PRKCE: variants seen among roughly 807,000 people sequenced by gnomAD.
PRKCE encodes the protein protein kinase C epsilon, also known as protein kinase C epsilon type.
Under a neutral mutation model 85.4 loss-of-function variants are expected in PRKCE, and 16 were observed. The observed-to-expected ratio is 0.19, with a 90% CI of 0.13 to 0.28. The LOEUF (loss-of-function observed/expected upper bound fraction) is 0.28, where lower values mean the gene tolerates loss of function less well. PRKCE is among the 10% of genes least tolerant of loss of function. The pLI, the probability that PRKCE is intolerant of heterozygous loss-of-function variation, is 1.00. For synonymous variants in PRKCE, 388 were observed against 371.5 expected (o/e 1.04, Z -0.51); for missense variants, 573 against 975.2 (o/e 0.59, Z 5.49).
At chr2:46,143,741 G>T (rs911611419) in intron 11 of PRKCE, among the ~76,000 whole-genome samples, 1 of 152,176 alleles carries the variant, frequency 6.6e-6, no homozygotes, top group African/African-American at 2.4e-5. Context: ...GCTCAGCTTG[G>T]TTGGGCTCAC....
At chr2:45,998,121 C>A (rs537742311) in intron 6 of PRKCE, among the ~76,000 whole-genome samples, 1 of 152,212 alleles carries the variant, frequency 6.6e-6, no homozygotes, top group African/African-American at 2.4e-5. Context: ...GTGTATTCTT[C>A]TGTCACCGAA....
At chr2:45,921,857 G>T (rs1271006483) in intron 2 of PRKCE, among the ~76,000 whole-genome samples, 7 of 152,304 alleles carry the variant, frequency 4.6e-5, no homozygotes, top group African/African-American at 1.7e-4. Context: ...AATGAATTAA[G>T]TTGGATGGAT....
chr2:45,894,137 G>T (rs1036716093), intron 2 of PRKCE, among the ~76,000 whole-genome samples: 1 of 152,100 alleles, frequency 6.6e-6, no homozygotes, highest in African/African-American at 2.4e-5. Context: ...GTGTTCAATA[G>T]TGCATGTCTG....
Position 45,794,498 on chromosome 2 carries a change from A to G in PRKCE, c.349-48502A>G, listed in dbSNP as rs141067796. Among the ~76,000 whole-genome samples, 593 of 152,190 alleles carry G rather than the reference A, an allele frequency of 3.9e-3. 1 individual carries two copies. The highest frequency in any genetic ancestry group is 6.6e-3 in the Non-Finnish European group (450 of 68,006). On this transcript the variant is annotated intron_variant, in intron 1 of 14. Transcript: ENST00000306156. Reference sequence around the variant, plus strand: ...TGAAGCAGGGTGCCAATTCGTTCTCATTCCTGCGGTATTCTAGCACGGACC... The same window carrying G: ...TGAAGCAGGGTGCCAATTCGTTCTCGTTCCTGCGGTATTCTAGCACGGACC...
chr2:45,743,790 A>C (rs773024082), intron 1 of PRKCE, among the ~76,000 whole-genome samples: 9 of 152,276 alleles, frequency 5.9e-5, no homozygotes, highest in Non-Finnish European at 1.2e-4. Context: ...AGCAGACTCC[A>C]CAGAGAGCTT....
intron 10 of PRKCE, among the ~76,000 whole-genome samples, chr2:46,079,930 G>A (rs34496377): frequency 0.3 from 45,987 of 152,108 alleles, 7,831 homozygotes; most frequent in African/African-American, 0.44. Flanking sequence ...AAATGGCCAT[G>A]ACACATAATC....
At chr2:45,751,221 C>T (rs1233473497) in intron 1 of PRKCE, among the ~76,000 whole-genome samples, 4 of 152,172 alleles carry the variant, frequency 2.6e-5, no homozygotes, top group Admixed American at 2.6e-4. Context: ...ATGGTGTGTA[C>T]ATCATAGGGT....
chr2:45,671,589 C>T (rs1015297105), intron 1 of PRKCE, among the ~76,000 whole-genome samples: 1 of 152,146 alleles, frequency 6.6e-6, no homozygotes, highest in African/African-American at 2.4e-5. Flanking sequence ...TCTGCCTCCC[C>T]CCACCAGCCT....
At chr2:45,698,355 A>C (rs1678326762) in intron 1 of PRKCE, among the ~76,000 whole-genome samples, 1 of 152,140 alleles carries the variant, frequency 6.6e-6, no homozygotes, top group African/African-American at 2.4e-5. Flanking sequence ...ATAAAACAAA[A>C]ATTTCCAGTT....
At chr2:45,825,662 T>C (rs764232579) in intron 1 of PRKCE, among the ~76,000 whole-genome samples, 1 of 152,070 alleles carries the variant, frequency 6.6e-6, no homozygotes, top group African/African-American at 2.4e-5. Context: ...GAGAGGAGGA[T>C]CGCTTGAAGC....
intron 1 of PRKCE, among the ~76,000 whole-genome samples, chr2:45,691,798 A>C (rs1316687952): frequency 6.6e-6 from 1 of 152,030 alleles, no homozygotes; most frequent in Non-Finnish European, 1.5e-5. Context: ...TGGAGGCGGC[A>C]CTCTTTCCTG....
rs147052078 is a variant in PRKCE, at chr2:45,980,098, A to G, written c.608-198A>G. 4.5e-4 allele frequency among the ~76,000 whole-genome samples: 68 copies of G among 152,370 alleles called. 1 individual carries two copies. In the East Asian group the frequency reaches 0.01, roughly 23 times the overall value. ...TAAATGTTACCTTGCTCTCTGGAGC[A>G]TTTAGGAAACTGATGGCTCTGATAG... is the stretch of plus-strand genomic sequence containing the variant. On this transcript the variant is annotated intron_variant, in intron 4 of 14. Coordinates refer to ENST00000306156, the MANE Select transcript of PRKCE (RefSeq NM_005400.3).
intron 1 of PRKCE, among the ~76,000 whole-genome samples, chr2:45,702,423 G>T (rs971900394): frequency 2.6e-5 from 4 of 152,164 alleles, no homozygotes; most frequent in Non-Finnish European, 5.9e-5. Context: ...TCATAGTGAT[G>T]ATCAGCTGAG....
chr2:45,911,520 C>G (rs1697381109), intron 2 of PRKCE, among the ~76,000 whole-genome samples: 1 of 152,342 alleles, frequency 6.6e-6, no homozygotes, highest in African/African-American at 2.4e-5. Flanking sequence ...CCCCTGAACC[C>G]TAGAGACCAG....
intron 14 of PRKCE, among the ~76,000 whole-genome samples, chr2:46,171,877 A>G (rs998924661): frequency 6.6e-6 from 1 of 152,230 alleles, no homozygotes; most frequent in African/African-American, 2.4e-5. Flanking sequence ...AGACTGAGTC[A>G]TCATTTAGCT....
chr2:46,129,266 G>A (rs1220262643), intron 11 of PRKCE, among the ~76,000 whole-genome samples: 1 of 152,200 alleles, frequency 6.6e-6, no homozygotes, highest in East Asian at 1.9e-4. Context: ...GTGGATGGCA[G>A]AAGCCAAGTC....
At chr2:45,964,878 T>G (rs2595202) in intron 2 of PRKCE, among the ~76,000 whole-genome samples, 30,115 of 152,200 alleles carry the variant, frequency 0.2, 3,708 homozygotes, top group East Asian at 0.42. Flanking sequence ...TTTTTTTTCC[T>G]ATGTAGTGAA....
At chr2:46,060,744 CTTTTTT>C (rs112560158) in intron 10 of PRKCE, among the ~76,000 whole-genome samples, 17 of 140,150 alleles carry the variant, frequency 1.2e-4, no homozygotes, top group South Asian at 2.3e-4. Context: ...TTTCTCTCTC[CTTTTTT>C]TTTTTTTTGT....
chr2:46,038,526 A>G (rs1708016682), intron 10 of PRKCE, among the ~76,000 whole-genome samples: 1 of 152,164 alleles, frequency 6.6e-6, no homozygotes, highest in Admixed American at 6.6e-5. Flanking sequence ...TGGCTTCAGA[A>G]GAGGCTCGAA....
Sources: allele counts gnomAD v4.1 joint callset (sites outside exome capture counted in the v4.1 genomes callset), GRCh38; gene constraint gnomAD v4.1.1; transcripts MANE v1.5; gene names NCBI Gene and HGNC (gene_info 2026-07-23, HGNC 2026-07-21).